CLCN1: variants seen among roughly 807,000 people sequenced by gnomAD.
The protein encoded by CLCN1 is chloride channel protein 1.
CLCN1 carries 100 observed loss-of-function variants against 114.5 expected under a neutral mutation model. That is an observed-to-expected ratio of 0.87 (90% CI 0.74 to 1.03). The LOEUF (loss-of-function observed/expected upper bound fraction) is 1.03, where lower values mean the gene tolerates loss of function less well. CLCN1 is among the 50% of genes least tolerant of loss of function. The pLI is 0.00. For synonymous variants in CLCN1, 485 were observed against 487.1 expected, an observed-to-expected ratio of 1.00 and a Z score of 0.06; for missense variants, 1,188 against 1,250.0, an observed-to-expected ratio of 0.95 and a Z score of 0.75.
At chr7:143,329,307 G>T (rs1802661060) in intron 7 of CLCN1, among the ~76,000 whole-genome samples, 1 of 152,160 alleles carries the variant, frequency 6.6e-6, no homozygotes, top group South Asian at 2.1e-4. Context: ...GAAATGTAAA[G>T]AAATATCTGG....
In CLCN1 at chr7:143,320,632, G is replaced by GTT. The variant is rs767494966; in HGVS notation, c.302-30_302-29dup. 4 of 1,590,094 alleles carry GTT rather than the reference G, an allele frequency of 2.5e-6. No individual in the cohort carries two copies. The South Asian group carries it at 4.4e-5, about 18-fold the overall frequency. ...TTGTTTGTTTGTTTGTTTGTTGTTT[G>GTT]TTTGTTTGTTTTTTCCCTCATCTCT... On this transcript the variant is annotated intron_variant, in intron 2 of 22. Transcript: ENST00000343257.
At position 143,321,370 on chromosome 7, in the gene CLCN1, A is replaced by C. The variant is rs764015801; in HGVS notation, c.439A>C (p.Lys147Gln). 3.7e-6 allele frequency: 6 copies of C among 1,614,166 alleles called. No individual in the cohort carries two copies. The highest frequency in any genetic ancestry group is 1.7e-5 in the Admixed American group (1 of 60,024). The change falls in exon 4 of 23, where the codon AAG becomes CAG. Residue 147 changes from lysine to glutamine, a missense_variant. Lys to Gln is a moderately conservative substitution (Grantham distance 53). Transcript: ENST00000343257. The surrounding 1 kb of genome is among the most constrained non-coding windows in gnomAD (Gnocchi z 4.2). ...CCAGGCATGTGTCTCCGCAGCCTACAAGTGGTCCTACGCGCAGATGCAGCC... is the reference window on the plus strand; with the variant it reads ...CCAGGCATGTGTCTCCGCAGCCTACCAGTGGTCCTACGCGCAGATGCAGCC... ...YVSAKSLQAY[K>Q]WSYAQMQPSL...
rs1467926181 is a variant in CLCN1 at position 143,350,201 on chromosome 7, CTG to C, written c.2404-169_2404-168del. ...CCTGATGAGGAAGGGCAGAGAGGCT[CTG>C]TCCCCTGGGAAGAAGGAGGAGGTCC... is the stretch of plus-strand genomic sequence containing the variant. On this transcript the variant is annotated intron_variant, in intron 20 of 22. Coordinates refer to ENST00000343257, the MANE Select transcript of CLCN1 (RefSeq NM_000083.3). The surrounding 1 kb of genome is among the most constrained non-coding windows in gnomAD (Gnocchi z 5.1). Among the ~76,000 whole-genome samples, 1 of 151,966 alleles carries C rather than the reference CTG, an allele frequency of 6.6e-6. No individual in the cohort carries two copies. Among genetic ancestry groups the C allele is most frequent in the Non-Finnish European group, 1.5e-5 (1 of 67,984 alleles).
rs374209930 is a variant in CLCN1 at position 143,327,200 on chromosome 7, C to T, written c.853+2708C>T. ...GGTGGAGGTTGTAGCAAGCTGAGAT[C>T]GCGCGTCACTGCACTCCAGTCCGGG... On this transcript the variant is annotated intron_variant, in intron 7 of 22. Transcript: ENST00000343257. Among the ~76,000 whole-genome samples the T allele has an allele frequency of 1.1e-4, 16 of 151,522 alleles. No individual in the cohort carries two copies. The South Asian group carries it at 1.7e-3, about 16-fold the overall frequency.
At chr7:143,340,628 G>A (rs1054656460) in intron 14 of CLCN1, among the ~76,000 whole-genome samples, 11 of 152,152 alleles carry the variant, frequency 7.2e-5, no homozygotes, top group African/African-American at 2.6e-4. Flanking sequence ...TGCCTCCTGG[G>A]CTCAAGTGAT....
chr7:143,328,406 G>A (rs1406305914), intron 7 of CLCN1, among the ~76,000 whole-genome samples: 1 of 152,122 alleles, frequency 6.6e-6, no homozygotes, highest in East Asian at 1.9e-4. Flanking sequence ...TGAGCAGAGA[G>A]CTTCCGAAAG....
At position 143,331,635 on chromosome 7, in the gene CLCN1, C is replaced by A. The variant is rs376144544; in HGVS notation, c.1149C>A (p.Ser383Arg). Residue 383 changes from serine (S) to arginine (R), a missense_variant, in exon 10 of 23, where the codon AGC becomes AGA. Ser to Arg is a moderately radical substitution (Grantham distance 110). Transcript: ENST00000343257. The part of the protein sequence containing the change: ...MLGVRKHKAL[S>R]QFLAKHRLLY... Reference sequence around the variant, plus strand: ...GTGTCCGAAAGCACAAGGCCCTCAGCCAGTTTCTTGCTAAGCAGTGAGTCA... The same window carrying A: ...GTGTCCGAAAGCACAAGGCCCTCAGACAGTTTCTTGCTAAGCAGTGAGTCA... 25 of 1,613,322 alleles carry A rather than the reference C, an allele frequency of 1.5e-5. No individual in the cohort carries two copies. Among genetic ancestry groups the A allele is most frequent in the African/African-American group, 2.7e-5 (2 of 74,912 alleles).
At chr7:143,328,507 ATACAGTGACAGACTGC>A in intron 7 of CLCN1, among the ~76,000 whole-genome samples, 1 of 152,356 alleles carries the variant, frequency 6.6e-6, no homozygotes, top group South Asian at 2.1e-4. Flanking sequence ...ATTCCGGAGC[ATACAGTGACAGACTGC>A]TAGGGAAAGT....
chr7:143,345,877 G>C, intron 17 of CLCN1, 115 bp downstream of exon 17: 1 of 1,427,720 alleles, frequency 7.0e-7, no homozygotes, highest in African/African-American at 1.4e-5. Context: ...AAAGTAGTGG[G>C]AAGAGGGAGG....
chr7:143,334,560 G>A (rs767045792), intron 12 of CLCN1, among the ~76,000 whole-genome samples: 1 of 151,996 alleles, frequency 6.6e-6, no homozygotes, highest in Non-Finnish European at 1.5e-5. Flanking sequence ...TATATCTTAT[G>A]CTTGCAACAG....
At chr7:143,317,973 G>C (rs1802331084) in intron 1 of CLCN1, among the ~76,000 whole-genome samples, 1 of 152,126 alleles carries the variant, frequency 6.6e-6, no homozygotes, top group Non-Finnish European at 1.5e-5. Flanking sequence ...TCTCGTGTTG[G>C]GAAGCTATGG....
intron 8 of CLCN1, 137 bp downstream of exon 8, chr7:143,331,034 G>T: frequency 7.5e-7 from 1 of 1,335,066 alleles, no homozygotes; most frequent in Non-Finnish European, 1.1e-6. Flanking sequence ...AGGCCCAAGG[G>T]TGTATGACAA....
rs1802763330 is a variant in CLCN1, at chr7:143,332,778, C to G, written c.1306C>G (p.His436Asp). 1.2e-6 allele frequency: 2 copies of G among 1,614,168 alleles called. No individual in the cohort carries two copies. Among genetic ancestry groups the G allele is most frequent in the Non-Finnish European group, 1.7e-6 (2 of 1,179,994 alleles). Residue 436 changes from histidine to aspartate, a missense_variant, in exon 12 of 23, where the codon CAC becomes GAC. Physicochemically the swap from His to Asp is moderately conservative, Grantham distance 81 (BLOSUM62 -1). Coordinates refer to ENST00000343257, the MANE Select transcript of CLCN1 (RefSeq NM_000083.3). The stretch of plus-strand genomic sequence containing the variant: ...GTTTGACAACAATACATGGGTGAAA[C>G]ACGCGGGTGATCCTGAGAGCCTGGG... ...TLFDNNTWVK[H>D]AGDPESLGQS...
chr7:143,327,791 C>A (rs559449560), intron 7 of CLCN1, among the ~76,000 whole-genome samples: 2 of 152,232 alleles, frequency 1.3e-5, no homozygotes, highest in Non-Finnish European at 2.9e-5. Context: ...GCAGCTGGGA[C>A]TACATGCGCA....
At position 143,345,709 on chromosome 7, in the gene CLCN1, T is replaced by A; in HGVS notation, c.2119T>A (p.Ser707Thr). 6.4e-7 allele frequency: 1 copy of A among 1,569,906 alleles called. No homozygotes were observed. Among genetic ancestry groups the A allele is most frequent in the Non-Finnish European group, 8.6e-7 (1 of 1,159,090 alleles). The stretch of plus-strand genomic sequence containing the variant: ...CGGCGCGCCTCCAGGCCGGCCCGAG[T>A]CCTTCGCCTTTGTGGATGAGGATGA... ...LPGAPPGRPE[S>T]FAFVDEDEDE... Residue 707 changes from serine (S) to threonine (T), a missense_variant, in exon 17 of 23, where the codon TCC becomes ACC. Coordinates refer to ENST00000343257, the MANE Select transcript of CLCN1 (RefSeq NM_000083.3).
chr7:143,331,564 C>T lies in CLCN1; in HGVS notation c.1078C>T (p.Leu360Phe), dbSNP rs765547180. ...AFAAIGICCG[L>F]LGAVFVYLHR... ...TTACACCCTCAGGATTTGCTGTGGG[C>T]TCCTGGGAGCTGTATTTGTGTATCT... The change falls in exon 10 of 23, where the codon CTC becomes TTC. Residue 360 changes from leucine to phenylalanine, a missense_variant. By Grantham distance (22) the Leu-to-Phe change is conservative. Coordinates refer to ENST00000343257, the MANE Select transcript of CLCN1 (RefSeq NM_000083.3). The T allele has an allele frequency of 6.2e-7, 1 of 1,613,290 alleles. No homozygotes were observed. Among genetic ancestry groups the T allele is most frequent in the Non-Finnish European group, 8.5e-7 (1 of 1,179,170 alleles).
chr7:143,351,322 C>G (rs1803393662), intron 22 of CLCN1, among the ~76,000 whole-genome samples: 1 of 152,088 alleles, frequency 6.6e-6, no homozygotes, highest in Non-Finnish European at 1.5e-5. Context: ...GGGGATGTGG[C>G]TGCAGGTGGT....
In CLCN1 at chr7:143,345,590, C is replaced by T. The variant is rs1424224517; in HGVS notation, c.2000C>T (p.Pro667Leu). 4 of 1,551,866 alleles carry T rather than the reference C, an allele frequency of 2.6e-6. No individual in the cohort carries two copies. The highest frequency in any genetic ancestry group is 3.9e-5 in the Admixed American group (2 of 51,116). ...LQALLQRHLCPERRLRAAQEM... is the reference protein window; with the variant it reads ...LQALLQRHLCLERRLRAAQEM... ...GCCCTCCTGCAGCGCCACCTGTGTC[C>T]TGAGCGCAGGCTGCGCGCAGCCCAA... is the stretch of plus-strand genomic sequence containing the variant. The change falls in exon 17 of 23, where the codon CCT becomes CTT. Residue 667 changes from proline to leucine, a missense_variant. By Grantham distance (98) the Pro-to-Leu change is moderately conservative (BLOSUM62 -3). Transcript: ENST00000343257.
rs754142595 is a variant in CLCN1 at position 143,320,793 on chromosome 7, A to C, written c.431A>C (p.Gln144Pro). 2 of 1,614,040 alleles carry C rather than the reference A, an allele frequency of 1.2e-6. No homozygotes were observed. Among genetic ancestry groups the C allele is most frequent in the Non-Finnish European group, 1.7e-6 (2 of 1,179,972 alleles). Reference protein sequence around the residue: ...SMDYVSAKSLQAYKWSYAQMQ... With the variant: ...SMDYVSAKSLPAYKWSYAQMQ... ...GACTACGTCAGTGCCAAAAGCCTTC[A>C]GGGTAGGTTTAACCTGGACCTTTGC... Residue 144 changes from glutamine (Q) to proline (P), a missense_variant and splice_region_variant, in exon 3 of 23, where the codon CAG becomes CCG. Transcript: ENST00000343257.
Sources: gnomAD v4.1 joint callset for allele counts (sites outside exome capture counted in the v4.1 genomes callset) on GRCh38, gnomAD v4.1.1 for gene constraint, Gnocchi (gnomAD v3.1) non-coding constraint, MANE v1.5 for transcripts, NCBI Gene and HGNC (gene_info 2026-07-23, HGNC 2026-07-21) for gene names.